Variants in GUCY1A2 observed in about 807,000 individuals in gnomAD.
GUCY1A2 encodes the protein guanylate cyclase 1 soluble subunit alpha 2.
A neutral mutation model predicts 63.5 loss-of-function variants in GUCY1A2; 27 were observed. The ratio of observed to expected loss-of-function variants is 0.43; its 90% CI spans 0.31 to 0.59. The LOEUF (loss-of-function observed/expected upper bound fraction) is 0.59, where lower values mean the gene tolerates loss of function less well. Among genes scored for constraint, GUCY1A2 ranks in the 20% least tolerant of loss-of-function variants. The probability of loss-of-function intolerance (pLI) is 0.11; values close to 1 mark genes in which losing one functional copy is unlikely to be tolerated. For missense variants in GUCY1A2, 768 were observed against 913.3 expected, an observed-to-expected ratio of 0.84 and a Z score of 2.05; for synonymous variants, 364 against 343.5, an observed-to-expected ratio of 1.06 and a Z score of -0.66.
At chr11:106,952,583 A>C (rs1388437241) in intron 3 of GUCY1A2, among the ~76,000 whole-genome samples, 1 of 151,904 alleles carries the variant, frequency 6.6e-6, no homozygotes, top group Non-Finnish European at 1.5e-5. Flanking sequence ...TTTGCACACT[A>C]ATTTTGCATC....
At chr11:106,940,552 A>G (rs1860739401) in intron 3 of GUCY1A2, among the ~76,000 whole-genome samples, 1 of 152,190 alleles carries the variant, frequency 6.6e-6, no homozygotes, top group East Asian at 1.9e-4. Flanking sequence ...AGAGTGGTAC[A>G]TTTATTACAA....
chr11:106,843,170 A>C (rs1270123933), intron 4 of GUCY1A2, among the ~76,000 whole-genome samples: 5 of 151,986 alleles, frequency 3.3e-5, no homozygotes, highest in African/African-American at 1.2e-4. Context: ...TTTATAAGGA[A>C]AACATGTAGA....
At chr11:106,866,457 AG>A (rs1383103479) in intron 4 of GUCY1A2, among the ~76,000 whole-genome samples, 1 of 152,086 alleles carries the variant, frequency 6.6e-6, no homozygotes, top group Non-Finnish European at 1.5e-5. Flanking sequence ...GACAAATTTT[AG>A]TAAATTGAAA....
chr11:106,841,029 C>A (rs1859189676), intron 4 of GUCY1A2, among the ~76,000 whole-genome samples: 1 of 151,904 alleles, frequency 6.6e-6, no homozygotes, highest in African/African-American at 2.4e-5. Flanking sequence ...TAATACCTTT[C>A]TAGTGCTGTA....
In GUCY1A2 at chr11:106,827,412, C is replaced by G. The variant is rs114712490; in HGVS notation, c.1207-16934G>C. On this transcript the variant is annotated intron_variant, in intron 4 of 7. Transcript: ENST00000526355. ...CACAGCCTTCAATTTCATACACTAA[C>G]TCAAGTGCGATACCACCGTTCCCTA... 9.8e-4 allele frequency: 1,459 copies of G among 1,496,226 alleles called. 14 individuals carry two copies. In the African/African-American group the frequency reaches 0.017, roughly 17 times the overall value. 92.7% of individuals were successfully genotyped at this position (1,496,226 alleles called of 1,614,324 possible).
At chr11:106,866,717 G>T (rs1859599210) in intron 4 of GUCY1A2, among the ~76,000 whole-genome samples, 1 of 151,968 alleles carries the variant, frequency 6.6e-6, no homozygotes, top group East Asian at 1.9e-4. Context: ...AGGCAAATTA[G>T]TCAATTAAAA....
At chr11:106,764,085 AT>A (rs1435164153) in intron 6 of GUCY1A2, among the ~76,000 whole-genome samples, 1 of 151,882 alleles carries the variant, frequency 6.6e-6, no homozygotes, top group Admixed American at 6.6e-5. Context: ...TCCCAACTTA[AT>A]TTTTTCTTCA....
At chr11:106,816,167 T>TAAAA (rs60263721) in intron 4 of GUCY1A2, among the ~76,000 whole-genome samples, 4 of 92,016 alleles carry the variant, frequency 4.3e-5, no homozygotes, top group East Asian at 3.0e-4. Context: ...ACTCTTTCTT[T>TAAAA]AAAAAAAAAA....
At position 107,012,881 on chromosome 11, in the gene GUCY1A2, C is replaced by T. The variant is rs569439173; in HGVS notation, c.303+4872G>A. Among the ~76,000 whole-genome samples, 21 of 151,968 alleles carry T rather than the reference C, an allele frequency of 1.4e-4. No individual in the cohort carries two copies. In the East Asian group the frequency reaches 2.5e-3, roughly 18 times the overall value. On this transcript the variant is annotated intron_variant, in intron 1 of 7. Transcript: ENST00000526355. ...TAAATTTGTCCAATAGCCTACCTTA[C>T]GAATATATTTTTTACATTTTTCATT...
chr11:107,005,749 A>G (rs1290282702), intron 1 of GUCY1A2, among the ~76,000 whole-genome samples: 1 of 152,176 alleles, frequency 6.6e-6, no homozygotes, highest in Non-Finnish European at 1.5e-5. Flanking sequence ...AGAACCTGGT[A>G]AGATCGCATT....
intron 4 of GUCY1A2, among the ~76,000 whole-genome samples, chr11:106,918,466 A>C (rs1860397871): frequency 6.9e-6 from 1 of 145,536 alleles, no homozygotes; most frequent in Non-Finnish European, 1.5e-5. Flanking sequence ...AGGAGACAAC[A>C]GAACTCAAAT....
intron 7 of GUCY1A2, among the ~76,000 whole-genome samples, chr11:106,690,781 C>G (rs960233122): frequency 6.6e-6 from 1 of 152,032 alleles, no homozygotes; most frequent in Non-Finnish European, 1.5e-5. Context: ...CTGAATTGCT[C>G]CAGGAAACAG....
chr11:106,795,780 A>T (rs1864747167), intron 5 of GUCY1A2, among the ~76,000 whole-genome samples: 1 of 152,184 alleles, frequency 6.6e-6, no homozygotes, highest in African/African-American at 2.4e-5. Flanking sequence ...ATCATTTAAA[A>T]CTTATTAATA....
intron 1 of GUCY1A2, among the ~76,000 whole-genome samples, chr11:107,001,628 T>A (rs1317286380): frequency 6.6e-6 from 1 of 152,224 alleles, no homozygotes; most frequent in Non-Finnish European, 1.5e-5. Flanking sequence ...TTTATTTTTC[T>A]TAAGTGGATT....
intron 2 of GUCY1A2, among the ~76,000 whole-genome samples, chr11:106,979,246 G>A (rs1861302515): frequency 6.6e-6 from 1 of 152,110 alleles, no homozygotes. Flanking sequence ...ACGAGTTCAG[G>A]AGATCAAGAC....
chr11:106,735,215 A>G (rs1863568511), intron 6 of GUCY1A2, among the ~76,000 whole-genome samples: 1 of 152,116 alleles, frequency 6.6e-6, no homozygotes, highest in Non-Finnish European at 1.5e-5. Context: ...CTGTTGTGCT[A>G]TCAGATACTA....
intron 6 of GUCY1A2, among the ~76,000 whole-genome samples, chr11:106,722,561 C>T (rs1461029955): frequency 6.6e-6 from 1 of 151,918 alleles, no homozygotes; most frequent in Admixed American, 6.6e-5. Context: ...AATCTATGGA[C>T]TAGAATATGT....
Position 106,940,036 on chromosome 11 carries a change from A to G in GUCY1A2, c.630T>C (p.Ile210=). Residue 210 remains isoleucine (I), a synonymous_variant, in exon 4 of 8, where the codon ATT becomes ATC. Transcript: ENST00000526355. ...FNGFDALLEH[I]RTSFGKQATL... is the part of the protein sequence containing the mutation. ...TGGCCTGTTTTCCAAAAGAAGTTCT[A>G]ATGTGTTCCAACAAAGCATCAAAGC... is the stretch of plus-strand genomic sequence containing the variant. The G allele has an allele frequency of 6.2e-7, 1 of 1,613,976 alleles. No individual in the cohort carries two copies. The highest frequency in any genetic ancestry group is 8.5e-7 in the Non-Finnish European group (1 of 1,179,858).
chr11:106,896,507 T>A (rs529364367), intron 4 of GUCY1A2, among the ~76,000 whole-genome samples: 1 of 152,288 alleles, frequency 6.6e-6, no homozygotes, highest in South Asian at 2.1e-4. Flanking sequence ...AATAATGTGG[T>A]CCTCTCCAAA....
Sources: gnomAD v4.1 joint callset for allele counts (sites outside exome capture counted in the v4.1 genomes callset) on GRCh38, gnomAD v4.1.1 for gene constraint, MANE v1.5 for transcripts, NCBI Gene and HGNC (gene_info 2026-07-23, HGNC 2026-07-21) for gene names.